Variants in RPS6KC1 observed in about 807,000 individuals in gnomAD.
The protein encoded by RPS6KC1 is inactive ribosomal protein S6 kinase delta-1.
In RPS6KC1, 54 loss-of-function variants were observed where a neutral mutation model predicts 103.8. That is an observed-to-expected ratio of 0.52 (90% CI 0.42 to 0.65). The LOEUF (loss-of-function observed/expected upper bound fraction) is 0.65, where lower values mean the gene tolerates loss of function less well. Among genes scored for constraint, RPS6KC1 ranks in the 30% least tolerant of loss-of-function variants. The pLI is 0.00. For missense variants in RPS6KC1, 1,151 were observed against 1,253.8 expected (o/e 0.92, Z 1.24); for synonymous variants, 439 against 438.7 (o/e 1.00, Z -0.01).
chr1:213,676,242 C>T, the RPS6KC1 span, among the ~76,000 whole-genome samples: 18 of 152,196 alleles, frequency 1.2e-4, no homozygotes, highest in African/African-American at 4.3e-4. Flanking sequence ...ACCAAGGCCC[C>T]TTCTCTTCAC....
At chr1:213,574,621 A>T in the RPS6KC1 span, among the ~76,000 whole-genome samples, 2 of 152,238 alleles carry the variant, frequency 1.3e-5, no homozygotes, top group African/African-American at 4.8e-5. Context: ...GGACATGGTC[A>T]TATAATGACA....
the RPS6KC1 span, among the ~76,000 whole-genome samples, chr1:213,659,568 T>C: frequency 6.6e-6 from 1 of 152,068 alleles, no homozygotes. Flanking sequence ...AAAGGAAAGT[T>C]GCTACAACAT....
chr1:213,861,205 G>A, the RPS6KC1 span, among the ~76,000 whole-genome samples: 1 of 152,186 alleles, frequency 6.6e-6, no homozygotes, highest in Non-Finnish European at 1.5e-5. Context: ...AAAGCTGATA[G>A]AGGGCTGATT....
the RPS6KC1 span, among the ~76,000 whole-genome samples, chr1:213,690,913 G>A: frequency 1.3e-5 from 2 of 152,244 alleles, no homozygotes; most frequent in Admixed American, 6.5e-5. Context: ...GGTACTCCTG[G>A]CTGTTGTCTT....
At chr1:213,281,983 C>G in the RPS6KC1 span, among the ~76,000 whole-genome samples, 1 of 152,198 alleles carries the variant, frequency 6.6e-6, no homozygotes, top group East Asian at 1.9e-4. Flanking sequence ...CCGTCTCTTT[C>G]TTTCCTTCCT....
At chr1:213,095,635 C>T (rs577760156) in intron 3 of RPS6KC1, among the ~76,000 whole-genome samples, 3 of 152,176 alleles carry the variant, frequency 2.0e-5, no homozygotes, top group Admixed American at 2.0e-4. Context: ...ATAGGTATAC[C>T]TCAGAGATAT....
the RPS6KC1 span, among the ~76,000 whole-genome samples, chr1:213,310,774 G>T: frequency 6.6e-6 from 1 of 152,180 alleles, no homozygotes; most frequent in Non-Finnish European, 1.5e-5. Context: ...AATAAATTTT[G>T]TTATGTATAT....
chr1:213,484,925 C>T, the RPS6KC1 span, among the ~76,000 whole-genome samples: 3 of 152,278 alleles, frequency 2.0e-5, no homozygotes, highest in South Asian at 6.2e-4. Context: ...TGCAGTGGCC[C>T]AATCTTGGCT....
chr1:213,215,277 A>C (rs1225394296), intron 8 of RPS6KC1, among the ~76,000 whole-genome samples: 1 of 152,246 alleles, frequency 6.6e-6, no homozygotes, highest in Non-Finnish European at 1.5e-5. Context: ...AAAGGGTATC[A>C]GTGATGGAAG....
At chr1:213,189,819 C>T (rs1007094083) in intron 8 of RPS6KC1, among the ~76,000 whole-genome samples, 1 of 152,156 alleles carries the variant, frequency 6.6e-6, no homozygotes, top group Non-Finnish European at 1.5e-5. Flanking sequence ...TTTCCAGCCT[C>T]TGGTAACCAT....
At chr1:213,366,250 C>T in the RPS6KC1 span, among the ~76,000 whole-genome samples, 1 of 152,180 alleles carries the variant, frequency 6.6e-6, no homozygotes, top group African/African-American at 2.4e-5. Flanking sequence ...TCTGTAATGC[C>T]CTCTACCACC....
chr1:213,658,969 T>C, the RPS6KC1 span, among the ~76,000 whole-genome samples: 36 of 152,216 alleles, frequency 2.4e-4, no homozygotes, highest in African/African-American at 6.5e-4. Flanking sequence ...CTTTTCTTTT[T>C]TTTCTTTTTT....
intron 8 of RPS6KC1, among the ~76,000 whole-genome samples, chr1:213,197,895 T>G (rs985136460): frequency 1.4e-4 from 22 of 152,198 alleles, no homozygotes; most frequent in Admixed American, 8.5e-4. Context: ...TGGATTTTTA[T>G]TCATTCTGCC....
intron 12 of RPS6KC1, among the ~76,000 whole-genome samples, chr1:213,250,792 G>C (rs1447693348): frequency 6.6e-6 from 1 of 151,872 alleles, no homozygotes; most frequent in East Asian, 1.9e-4. Flanking sequence ...TTTTGCTTTC[G>C]GTTGTAACAT....
At chr1:213,355,313 T>C in the RPS6KC1 span, among the ~76,000 whole-genome samples, 29 of 152,058 alleles carry the variant, frequency 1.9e-4, no homozygotes, top group African/African-American at 6.8e-4. Flanking sequence ...GCTGGCGGGA[T>C]GTACAAGGGC....
the RPS6KC1 span, among the ~76,000 whole-genome samples, chr1:213,455,557 C>T: frequency 1.3e-5 from 2 of 152,052 alleles, no homozygotes; most frequent in African/African-American, 4.8e-5. Context: ...GGTTCTAGCA[C>T]GGGAGCTGTG....
chr1:213,304,970 T>G, the RPS6KC1 span, among the ~76,000 whole-genome samples: 1 of 152,248 alleles, frequency 6.6e-6, no homozygotes, highest in Admixed American at 6.5e-5. Context: ...TTTTGTTGTT[T>G]GTTTTTCAAT....
chr1:213,354,728 C>T, the RPS6KC1 span, among the ~76,000 whole-genome samples: 1 of 152,096 alleles, frequency 6.6e-6, no homozygotes, highest in African/African-American at 2.4e-5. Flanking sequence ...GCTACCAGTC[C>T]CACTCCTATG....
At chr1:213,423,357 G>A in the RPS6KC1 span, among the ~76,000 whole-genome samples, 19 of 152,154 alleles carry the variant, frequency 1.2e-4, no homozygotes, top group Admixed American at 7.2e-4. Flanking sequence ...GATGGCAGGA[G>A]TTTTGTATTT....
Sources: gnomAD v4.1 joint callset for allele counts (sites outside exome capture counted in the v4.1 genomes callset) on GRCh38, gnomAD v4.1.1 for gene constraint, MANE v1.5 for transcripts, NCBI Gene and HGNC (gene_info 2026-07-23, HGNC 2026-07-21) for gene names.